RAP1GDS1: variants seen among roughly 807,000 people sequenced by gnomAD.
RAP1GDS1 encodes Rap1 GTPase-GDP dissociation stimulator 1, also known as RAP1, GTP-GDP dissociation stimulator 1.
RAP1GDS1 carries 35 observed loss-of-function variants against 71.1 expected under a neutral mutation model. The ratio of observed to expected loss-of-function variants is 0.49; its 90% CI spans 0.38 to 0.65. The LOEUF (loss-of-function observed/expected upper bound fraction) is 0.65. Among genes scored for constraint, RAP1GDS1 ranks in the 30% least tolerant of loss-of-function variants. RAP1GDS1 has a pLI of 0.00. For missense variants in RAP1GDS1, 663 were observed against 706.1 expected (o/e 0.94, Z 0.69); for synonymous variants, 229 against 243.1 (o/e 0.94, Z 0.54).
At chr4:98,311,098 G>A (rs906179726) in intron 2 of RAP1GDS1, among the ~76,000 whole-genome samples, 4 of 152,278 alleles carry the variant, frequency 2.6e-5, no homozygotes, top group South Asian at 2.1e-4. Context: ...TCTAGAGGAT[G>A]CCAATATGCT....
intron 3 of RAP1GDS1, among the ~76,000 whole-genome samples, chr4:98,347,279 A>G (rs374723792): frequency 1.3e-5 from 2 of 152,228 alleles, no homozygotes; most frequent in Admixed American, 1.3e-4. Context: ...TGCTGAAAGA[A>G]TATGTAATTC....
At chr4:98,420,522 C>T (rs1299018352) in intron 11 of RAP1GDS1, among the ~76,000 whole-genome samples, 1 of 152,028 alleles carries the variant, frequency 6.6e-6, no homozygotes, top group Non-Finnish European at 1.5e-5. Flanking sequence ...TGCTCCACAA[C>T]TCCTGGCTAA....
chr4:98,284,978 A>G (rs1725762824), intron 1 of RAP1GDS1, among the ~76,000 whole-genome samples: 1 of 152,158 alleles, frequency 6.6e-6, no homozygotes, highest in Non-Finnish European at 1.5e-5. Context: ...GAGACTCTGC[A>G]TCAAGGCTGT....
At chr4:98,372,056 A>G (rs1483967124) in intron 4 of RAP1GDS1, among the ~76,000 whole-genome samples, 1 of 151,850 alleles carries the variant, frequency 6.6e-6, no homozygotes, top group Non-Finnish European at 1.5e-5. Context: ...TTATTTCCGA[A>G]CCTAGTTGTT....
chr4:98,317,176 G>A (rs1407061855), intron 2 of RAP1GDS1, among the ~76,000 whole-genome samples: 1 of 151,938 alleles, frequency 6.6e-6, no homozygotes, highest in East Asian at 1.9e-4. Context: ...TTTAAATAAG[G>A]CCAGCTTGTG....
chr4:98,263,892 C>G (rs1042415793), intron 1 of RAP1GDS1, among the ~76,000 whole-genome samples: 1 of 152,134 alleles, frequency 6.6e-6, no homozygotes, highest in Non-Finnish European at 1.5e-5. Flanking sequence ...CTCAGGCAAT[C>G]TGTTTCCTTC....
chr4:98,402,956 A>T (rs1325786989), intron 6 of RAP1GDS1, among the ~76,000 whole-genome samples: 1 of 152,200 alleles, frequency 6.6e-6, no homozygotes, highest in Non-Finnish European at 1.5e-5. Flanking sequence ...TATAATTGCT[A>T]GTATGAGAAA....
At chr4:98,431,341 A>G (rs1353049331) in intron 12 of RAP1GDS1, among the ~76,000 whole-genome samples, 2 of 152,238 alleles carry the variant, frequency 1.3e-5, no homozygotes, top group African/African-American at 4.8e-5. Context: ...ATCAAAGCCT[A>G]TCTGAAAATA....
intron 1 of RAP1GDS1, among the ~76,000 whole-genome samples, chr4:98,281,785 C>G (rs1725144453): frequency 6.6e-6 from 1 of 152,214 alleles, no homozygotes; most frequent in Non-Finnish European, 1.5e-5. Context: ...TACTTTCCAT[C>G]AATACCTAGT....
intron 9 of RAP1GDS1, 80 bp from the exon 10 acceptor site, chr4:98,418,577 A>G (rs1748342951): frequency 7.9e-7 from 1 of 1,258,864 alleles, no homozygotes; most frequent in East Asian, 2.7e-5. Flanking sequence ...CCTAATGTAG[A>G]TAATAGCCAG....
rs1457297603 is a variant in RAP1GDS1, at chr4:98,404,567, T to C, written c.728T>C (p.Met243Thr). The C allele has an allele frequency of 1.2e-6, 2 of 1,602,804 alleles. No individual in the cohort carries two copies. Among genetic ancestry groups the C allele is most frequent in the Non-Finnish European group, 1.7e-6 (2 of 1,176,142 alleles). Residue 243 changes from methionine to threonine, a missense_variant, in exon 7 of 15, where the codon ATG (methionine) becomes ACG (threonine). By Grantham distance (81) the Met-to-Thr change is moderately conservative. Coordinates refer to ENST00000408927, the MANE Select transcript of RAP1GDS1 (RefSeq NM_001100427.2). ...CAAATAGAACATGATAAGAGAGAAA[T>C]GATTTTTGAAGTTCTTGCTCCATTG... ...KKQIEHDKRE[M>T]IFEVLAPLAE...
At position 98,436,294 on chromosome 4, in the gene RAP1GDS1, A is replaced by G. The variant is rs530407537; in HGVS notation, c.1568-646A>G. Among the ~76,000 whole-genome samples, 9 of 152,212 alleles carry G rather than the reference A, an allele frequency of 5.9e-5. No individual in the cohort carries two copies. The South Asian group carries it at 1.0e-3, about 18-fold the overall frequency. On this transcript the variant is annotated intron_variant, in intron 13 of 14. Transcript: ENST00000408927. ...TTCAGTGCCTTTGACATAAGTGCCT[A>G]TGTTGCCACCAGTAATATGCTATCT...
chr4:98,374,024 A>AT (rs1000152396), intron 4 of RAP1GDS1, among the ~76,000 whole-genome samples: 1 of 151,902 alleles, frequency 6.6e-6, no homozygotes, highest in African/African-American at 2.4e-5. Context: ...TTAAAACTTT[A>AT]TTTTTTTTAT....
chr4:98,439,790 A>G (rs1751655511), intron 14 of RAP1GDS1, among the ~76,000 whole-genome samples: 1 of 152,066 alleles, frequency 6.6e-6, no homozygotes, highest in African/African-American at 2.4e-5. Flanking sequence ...AGAGACTTTG[A>G]GTCTCTTCCA....
chr4:98,284,890 G>C (rs1045725472), intron 1 of RAP1GDS1, among the ~76,000 whole-genome samples: 3 of 152,150 alleles, frequency 2.0e-5, no homozygotes, highest in Non-Finnish European at 4.4e-5. Context: ...CACCAGCCAT[G>C]TGAGTGAATG....
chr4:98,358,013 G>A (rs1284164864), intron 4 of RAP1GDS1, among the ~76,000 whole-genome samples: 2 of 152,016 alleles, frequency 1.3e-5, no homozygotes, highest in East Asian at 3.8e-4. Flanking sequence ...GATAAATCTG[G>A]TGGGAAGCAG....
chr4:98,376,799 T>A (rs1741244379), intron 4 of RAP1GDS1, among the ~76,000 whole-genome samples: 1 of 151,952 alleles, frequency 6.6e-6, no homozygotes, highest in Non-Finnish European at 1.5e-5. Context: ...CAAACAATTC[T>A]CAATAACACA....
intron 2 of RAP1GDS1, among the ~76,000 whole-genome samples, 190 bp from the exon 3 acceptor site, chr4:98,342,949 A>T (rs1215714151): frequency 2.0e-5 from 3 of 149,764 alleles, no homozygotes; most frequent in Admixed American, 2.0e-4. Context: ...TTTTGTGCCG[A>T]TTAAAACTCA....
intron 2 of RAP1GDS1, among the ~76,000 whole-genome samples, chr4:98,342,722 A>G (rs562934121): frequency 1.1e-4 from 17 of 152,218 alleles, no homozygotes; most frequent in African/African-American, 3.6e-4. Flanking sequence ...CCTAATTGCC[A>G]TTTTTTAAAG....
Sources: gnomAD v4.1 joint callset for allele counts (sites outside exome capture counted in the v4.1 genomes callset) on GRCh38, gnomAD v4.1.1 for gene constraint, MANE v1.5 for transcripts, NCBI Gene and HGNC (gene_info 2026-07-23, HGNC 2026-07-21) for gene names.